The following RAB43 variants were observed in gnomAD, a reference collection of about 807,000 sequenced individuals.
RAB43 encodes the protein ras-related protein Rab-43.
In RAB43, 6 loss-of-function variants were observed where a neutral mutation model predicts 18.8. The ratio of observed to expected loss-of-function variants is 0.32; its 90% confidence interval spans 0.17 to 0.63. The LOEUF is 0.63. RAB43 is among the 30% of genes least tolerant of loss of function. The pLI, the probability that RAB43 is intolerant of heterozygous loss-of-function variation, is 0.79. For synonymous variants in RAB43, 103 were observed against 124.1 expected, an observed-to-expected ratio of 0.83 and a Z score of 1.13; for missense variants, 195 against 289.1, an observed-to-expected ratio of 0.67 and a Z score of 2.36.
chr3:129,095,093 G>A lies in RAB43; in HGVS notation c.281C>T (p.Ala94Val). ...CTTGGTGATGTCGTAGGCAAGGATGGCCCCATTGGCACTGCGGTAGTAGCT... is the reference window on the plus strand; with the variant it reads ...CTTGGTGATGTCGTAGGCAAGGATGACCCCATTGGCACTGCGGTAGTAGCT... The part of the protein sequence containing the change: ...TQSYYRSANG[A>V]ILAYDITKRS... The change falls in exon 2 of 3, where the codon GCC becomes GTC. Residue 94 changes from alanine (A) to valine (V), a missense_variant. Transcript: ENST00000315150. This position sits in a 1 kb window ranked among gnomAD's most constrained non-coding sequence, Gnocchi z 4.2. 6.2e-7 allele frequency: 1 copy of A among 1,614,070 alleles called. No individual in the cohort carries two copies. Among genetic ancestry groups the A allele is most frequent in the Non-Finnish European group, 8.5e-7 (1 of 1,179,962 alleles).
At chr3:129,109,857 G>C (rs1935036893) in intron 1 of RAB43, among the ~76,000 whole-genome samples, 1 of 151,702 alleles carries the variant, frequency 6.6e-6, no homozygotes, top group Non-Finnish European at 1.5e-5. Context: ...AAGTGTGCTT[G>C]GTTTTGTCTT....
intron 1 of RAB43, among the ~76,000 whole-genome samples, chr3:129,099,249 G>A (rs961028626): frequency 4.7e-5 from 7 of 148,572 alleles, no homozygotes; most frequent in Admixed American, 4.7e-4. Context: ...CCACCACCAT[G>A]CCCAGCTAAT....
chr3:129,091,565 C>G (rs1041821715), intron 2 of RAB43, among the ~76,000 whole-genome samples: 1 of 152,182 alleles, frequency 6.6e-6, no homozygotes, highest in African/African-American at 2.4e-5. Flanking sequence ...GGCAGGAAGA[C>G]TGCTTGAGCC....
chr3:129,112,775 G>C (rs1935250591), intron 1 of RAB43, among the ~76,000 whole-genome samples: 1 of 151,334 alleles, frequency 6.6e-6, no homozygotes, highest in South Asian at 2.1e-4. Context: ...TTTTGAGACA[G>C]GGTCTCACTC....
At chr3:129,098,366 C>A (rs1934192924) in intron 1 of RAB43, among the ~76,000 whole-genome samples, 1 of 152,176 alleles carries the variant, frequency 6.6e-6, no homozygotes, top group Non-Finnish European at 1.5e-5. Flanking sequence ...ACATAAAAAA[C>A]AAGCCTAAAC....
At chr3:129,118,571 T>C (rs1935699531) in intron 1 of RAB43, among the ~76,000 whole-genome samples, 2 of 152,180 alleles carry the variant, frequency 1.3e-5, no homozygotes, top group Non-Finnish European at 2.9e-5. Context: ...CTAAGCTTCC[T>C]GAAGCTCTAA....
At chr3:129,099,472 C>T (rs1355237828) in intron 1 of RAB43, among the ~76,000 whole-genome samples, 3 of 151,932 alleles carry the variant, frequency 2.0e-5, no homozygotes, top group Admixed American at 6.6e-5. Context: ...CCGCAACCTC[C>T]GCCTCCTGAG....
chr3:129,091,296 G>C lies in RAB43; in HGVS notation c.439C>G (p.Gln147Glu). 1 of 1,595,356 alleles carries C rather than the reference G, an allele frequency of 6.3e-7. No homozygotes were observed. The highest frequency in any genetic ancestry group is 1.1e-5 in the South Asian group (1 of 88,574). The change falls in exon 3 of 3, where the codon CAG becomes GAG. Residue 147 changes from glutamine to glutamate, a missense_variant. Transcript: ENST00000315150. ...ATGTCATAGTGCTCAGCCAGGCTCT[G>C]TGCCTCAGCCAAGGAGACCTCCCGA... ...ELREVSLAEA[Q>E]SLAEHYDILC...
At chr3:129,097,014 G>A (rs1035229550) in intron 1 of RAB43, among the ~76,000 whole-genome samples, 1 of 152,154 alleles carries the variant, frequency 6.6e-6, no homozygotes, top group Non-Finnish European at 1.5e-5. Context: ...TGGGAAGGCT[G>A]AGGCAGGAGA....
intron 1 of RAB43, among the ~76,000 whole-genome samples, chr3:129,115,450 G>A (rs1935461000): frequency 6.6e-6 from 1 of 152,032 alleles, no homozygotes; most frequent in African/African-American, 2.4e-5. Context: ...GTTGCAGTGA[G>A]CAGAGGTCAT....
intron 1 of RAB43, among the ~76,000 whole-genome samples, chr3:129,120,696 G>A (rs2107589151): frequency 6.6e-6 from 1 of 152,310 alleles, no homozygotes; most frequent in Middle Eastern, 3.4e-3. Context: ...AGGGAACCGG[G>A]GCTGGCCCTA....
chr3:129,093,914 G>C (rs1195479409), intron 2 of RAB43, among the ~76,000 whole-genome samples: 1 of 152,202 alleles, frequency 6.6e-6, no homozygotes. Context: ...ACTCCAGCCT[G>C]GGTGACTGAG....
intron 1 of RAB43, among the ~76,000 whole-genome samples, chr3:129,098,450 T>C (rs1934197740): frequency 6.6e-6 from 1 of 152,194 alleles, no homozygotes; most frequent in Non-Finnish European, 1.5e-5. Context: ...CTAAAGAAGG[T>C]AACAGAATCC....
chr3:129,117,538 T>TC (rs1935627361), intron 1 of RAB43, among the ~76,000 whole-genome samples: 2 of 152,334 alleles, frequency 1.3e-5, no homozygotes, highest in South Asian at 4.1e-4. Context: ...CCTTACTGAC[T>TC]CGTACAGCAG....
At position 129,107,734 on chromosome 3, in the gene RAB43, G is replaced by A. The variant is rs76903639; in HGVS notation, c.205-12565C>T. On this transcript the variant is annotated intron_variant, in intron 1 of 2. Coordinates refer to ENST00000315150, the MANE Select transcript of RAB43 (RefSeq NM_198490.3). This position sits in a 1 kb window ranked among gnomAD's most constrained non-coding sequence, Gnocchi z 4.2. Reference sequence around the variant, plus strand: ...ACACCTCTTTTCCCCAAATTCCTCCGCTGCAAGGGCCCAGGCACAAGGGAT... The same window carrying A: ...ACACCTCTTTTCCCCAAATTCCTCCACTGCAAGGGCCCAGGCACAAGGGAT... Among the ~76,000 whole-genome samples the A allele has an allele frequency of 0.012, 1,887 of 152,088 alleles. 19 individuals are homozygous for A. Among genetic ancestry groups the A allele is most frequent in the Non-Finnish European group, 0.02 (1,355 of 67,990 alleles).
At chr3:129,111,467 A>G (rs145195057) in intron 1 of RAB43, among the ~76,000 whole-genome samples, 7 of 146,494 alleles carry the variant, frequency 4.8e-5, no homozygotes, top group African/African-American at 1.8e-4. Flanking sequence ...ATGAGCTGAG[A>G]TGGCACCACT....
intron 1 of RAB43, among the ~76,000 whole-genome samples, chr3:129,106,852 T>C (rs193062815): frequency 1.8e-4 from 28 of 152,304 alleles, no homozygotes; most frequent in Non-Finnish European, 2.2e-4. Flanking sequence ...CAGCTCTCCT[T>C]GGGAGGCTTG....
chr3:129,105,204 C>A (rs1327923698), intron 1 of RAB43, among the ~76,000 whole-genome samples: 1 of 152,102 alleles, frequency 6.6e-6, no homozygotes, highest in Non-Finnish European at 1.5e-5. Flanking sequence ...AGGCTTTAGG[C>A]CAGGGTGGGA....
intron 1 of RAB43, among the ~76,000 whole-genome samples, chr3:129,118,020 A>C (rs1317591910): frequency 6.6e-6 from 1 of 152,194 alleles, no homozygotes; most frequent in Non-Finnish European, 1.5e-5. Flanking sequence ...AGAGTTACAG[A>C]ATAGAGGACC....
Sources: allele counts gnomAD v4.1 joint callset (sites outside exome capture counted in the v4.1 genomes callset), GRCh38; gene constraint gnomAD v4.1.1; non-coding constraint Gnocchi (gnomAD v3.1); transcripts MANE v1.5; gene names NCBI Gene and HGNC (gene_info 2026-07-23, HGNC 2026-07-21).